Variants in RNF135 observed in about 807,000 individuals in gnomAD.
RNF135 encodes ring finger protein 135.
In RNF135, 46 loss-of-function variants were observed where a neutral mutation model predicts 41.9. The observed-to-expected ratio is 1.10, with a 90% CI of 0.87 to 1.40. The LOEUF (loss-of-function observed/expected upper bound fraction) is 1.40, where lower values mean the gene tolerates loss of function less well. RNF135 is among the 40% of genes most tolerant of loss of function. RNF135 has a pLI of 0.00. For missense variants in RNF135, 539 were observed against 549.8 expected, an observed-to-expected ratio of 0.98 and a Z score of 0.20; for synonymous variants, 238 against 223.8, an observed-to-expected ratio of 1.06 and a Z score of -0.57.
chr17:30,976,725 T>C (rs1023292450), intron 1 of RNF135, among the ~76,000 whole-genome samples: 5 of 152,258 alleles, frequency 3.3e-5, no homozygotes, highest in African/African-American at 1.2e-4. Flanking sequence ...AGATTTTGTT[T>C]TGAAATCTAT....
At chr17:30,997,437 T>C in intron 4 of RNF135, 106 bp downstream of exon 4, 1 of 974,380 alleles carries the variant, frequency 1.0e-6, no homozygotes, top group Non-Finnish European at 1.6e-6. Flanking sequence ...CTTGGCTTAC[T>C]GCACATGGAT....
In RNF135 at chr17:30,979,665, TC is replaced by T. The variant is rs1241966199; in HGVS notation, c.373-4945del. ...GGCGGCTGGCCAGGCGGGGGGCTGA[TC>T]CCCCCCACCTCCCTCCCGGACGGGG... On this transcript the variant is annotated intron_variant, in intron 1 of 4. Coordinates refer to ENST00000328381, the MANE Select transcript of RNF135 (RefSeq NM_032322.4). 3.6e-4 allele frequency among the ~76,000 whole-genome samples: 24 copies of T among 66,514 alleles called. No homozygotes were observed. In the South Asian group the frequency reaches 0.01, roughly 29 times the overall value. The allele number at this position is 66,514 out of a possible 152,430, so 43.6% of individuals were successfully genotyped here. A position where few individuals can be genotyped will look rare whatever the true frequency, so the allele number is the denominator to read the frequency against.
At chr17:30,971,627 G>C in intron 1 of RNF135, 182 bp downstream of exon 1, 2 of 1,352,706 alleles carry the variant, frequency 1.5e-6, no homozygotes, top group Non-Finnish European at 1.9e-6. Context: ...TGAAGAAGTA[G>C]AAAAAAACAA....
chr17:30,981,013 G>A (rs1217925424), intron 1 of RNF135, among the ~76,000 whole-genome samples: 2 of 146,560 alleles, frequency 1.4e-5, no homozygotes, highest in Non-Finnish European at 3.0e-5. Flanking sequence ...AAGGCAGGCG[G>A]CTGGGAGGTG....
At chr17:30,985,324 C>T (rs917652393) in intron 2 of RNF135, among the ~76,000 whole-genome samples, 1 of 152,214 alleles carries the variant, frequency 6.6e-6, no homozygotes, top group Non-Finnish European at 1.5e-5. Context: ...GGAGCCTTCT[C>T]TGAGCACTAG....
the RNF135 span, chr17:30,959,656 T>A: frequency 6.6e-6 from 1 of 151,982 alleles, no homozygotes; most frequent in Non-Finnish European, 1.5e-5. Flanking sequence ...TAGTGCACAA[T>A]GCTAATTGGG....
intron 1 of RNF135, among the ~76,000 whole-genome samples, chr17:30,981,203 A>T (rs1293925907): frequency 1.3e-5 from 2 of 149,612 alleles, no homozygotes; most frequent in South Asian, 2.1e-4. Flanking sequence ...ACCAAAAAAA[A>T]ACGAAAACCA....
At chr17:30,963,521 G>A in the RNF135 span, among the ~76,000 whole-genome samples, 1 of 151,820 alleles carries the variant, frequency 6.6e-6, no homozygotes, top group Non-Finnish European at 1.5e-5. Context: ...GCAGTGAGCC[G>A]AGATCGCACC....
intron 2 of RNF135, among the ~76,000 whole-genome samples, chr17:30,987,449 C>G (rs1907670377): frequency 6.6e-6 from 1 of 152,060 alleles, no homozygotes; most frequent in Non-Finnish European, 1.5e-5. Context: ...CCAGGCTGGT[C>G]TCGGATTCCT....
intron 1 of RNF135, among the ~76,000 whole-genome samples, chr17:30,981,083 T>G (rs1363631789): frequency 2.1e-5 from 3 of 146,082 alleles, no homozygotes; most frequent in Non-Finnish European, 4.5e-5. Flanking sequence ...GAGCACTGAG[T>G]GAACGAGACT....
At chr17:30,988,416 AT>A (rs56955275) in intron 3 of RNF135, among the ~76,000 whole-genome samples, 857 of 81,820 alleles carry the variant, frequency 0.01, no homozygotes, top group African/African-American at 0.03. Flanking sequence ...GCCACTTTTA[AT>A]TTTTTTTTTT....
chr17:30,985,407 C>T (rs930983257), intron 2 of RNF135, among the ~76,000 whole-genome samples: 1 of 152,164 alleles, frequency 6.6e-6, no homozygotes, highest in Non-Finnish European at 1.5e-5. Context: ...TCCTAAACTG[C>T]TCCTCTTCTG....
chr17:30,961,753 C>T, the RNF135 span, among the ~76,000 whole-genome samples: 6 of 152,078 alleles, frequency 3.9e-5, no homozygotes, highest in Non-Finnish European at 8.8e-5. Flanking sequence ...CGTGAGCCAC[C>T]GCGCCCGGCC....
At chr17:30,975,382 G>A (rs550337796) in intron 1 of RNF135, 1 of 758,542 alleles carries the variant, frequency 1.3e-6, no homozygotes, top group Non-Finnish European at 2.4e-6. Flanking sequence ...ATCTGGATTA[G>A]AAGATGCCAG....
rs1433597984 is a variant in RNF135, at chr17:30,979,700, C to T, written c.373-4917C>T. ...CTCCCTCCCGGACGGGGCGGCTGGC[C>T]GGGCGGGGGGCTGACCCCCCCCACC... On this transcript the variant is annotated intron_variant, in intron 1 of 4. Transcript: ENST00000328381. 2.2e-4 allele frequency among the ~76,000 whole-genome samples: 28 copies of T among 128,938 alleles called. No homozygotes were observed. The East Asian group carries it at 4.4e-3, about 20-fold the overall frequency. 84.6% of individuals were successfully genotyped at this position (128,938 alleles called of 152,430 possible).
At chr17:30,995,261 G>A (rs576808582) in intron 3 of RNF135, among the ~76,000 whole-genome samples, 2 of 152,050 alleles carry the variant, frequency 1.3e-5, no homozygotes, top group East Asian at 1.9e-4. Context: ...GGTGGTGGGC[G>A]CCTGTAGTCC....
At chr17:30,996,620 T>C (rs1908366751) in intron 3 of RNF135, among the ~76,000 whole-genome samples, 1 of 152,162 alleles carries the variant, frequency 6.6e-6, no homozygotes, top group Admixed American at 6.5e-5. Context: ...CTGCAGCTGC[T>C]GTCACTTCAA....
intron 4 of RNF135, 107 bp from the exon 5 acceptor site, chr17:30,998,555 T>C: frequency 2.7e-6 from 3 of 1,104,136 alleles, no homozygotes; most frequent in Non-Finnish European, 4.1e-6. Flanking sequence ...CTAGTGTGAG[T>C]GAAACATCAC....
At chr17:30,990,853 C>T (rs1028626155) in intron 3 of RNF135, among the ~76,000 whole-genome samples, 1 of 152,202 alleles carries the variant, frequency 6.6e-6, no homozygotes. Context: ...CTTACAGTTG[C>T]TCAGTATTCC....
Sources: gnomAD v4.1 joint callset for allele counts (sites outside exome capture counted in the v4.1 genomes callset) on GRCh38, gnomAD v4.1.1 for gene constraint, MANE v1.5 for transcripts, NCBI Gene and HGNC (gene_info 2026-07-23, HGNC 2026-07-21) for gene names.